DSCAM: variants seen among roughly 807,000 people sequenced by gnomAD.
DSCAM encodes DS cell adhesion molecule.
A neutral mutation model predicts 217.7 loss-of-function variants in DSCAM; 47 were observed. The observed-to-expected ratio is 0.22, with a 90% CI of 0.17 to 0.28. DSCAM has a LOEUF of 0.28. DSCAM is among the 10% of genes least tolerant of loss of function. DSCAM has a pLI of 1.00. For missense variants in DSCAM, 2,080 were observed against 2,618.3 expected, an observed-to-expected ratio of 0.79 and a Z score of 4.49; for synonymous variants, 1,056 against 1,015.3, an observed-to-expected ratio of 1.04 and a Z score of -0.76.
chr21:40,681,725 G>A (rs1223355871), intron 3 of DSCAM, among the ~76,000 whole-genome samples: 1 of 152,106 alleles, frequency 6.6e-6, no homozygotes, highest in Non-Finnish European at 1.5e-5. Context: ...GTTACCATGA[G>A]GTCATACTGA....
At chr21:40,099,432 C>T (rs1174173116) in intron 20 of DSCAM, among the ~76,000 whole-genome samples, 1 of 152,104 alleles carries the variant, frequency 6.6e-6, no homozygotes, top group Non-Finnish European at 1.5e-5. Flanking sequence ...TTAGTGGCTC[C>T]TATTGGTTAT....
At chr21:40,018,334 A>G (rs990490514) in intron 32 of DSCAM, among the ~76,000 whole-genome samples, 3 of 151,966 alleles carry the variant, frequency 2.0e-5, no homozygotes, top group Non-Finnish European at 4.4e-5. Flanking sequence ...TGTTAATTTT[A>G]TTATTTATTT....
At chr21:40,659,154 G>A (rs1000714170) in intron 3 of DSCAM, among the ~76,000 whole-genome samples, 3 of 152,108 alleles carry the variant, frequency 2.0e-5, no homozygotes, top group Non-Finnish European at 4.4e-5. Context: ...AAAAATAGTC[G>A]TGTTTCTAAC....
chr21:40,562,201 G>T (rs189519589), intron 3 of DSCAM, among the ~76,000 whole-genome samples: 1 of 152,302 alleles, frequency 6.6e-6, no homozygotes, highest in East Asian at 1.9e-4. Context: ...GGTGGGAGGT[G>T]ACTGGATCAA....
intron 32 of DSCAM, among the ~76,000 whole-genome samples, chr21:40,040,226 A>G (rs2088719811): frequency 6.6e-6 from 1 of 152,244 alleles, no homozygotes; most frequent in African/African-American, 2.4e-5. Context: ...ATTCAAACCT[A>G]TATTTATAAA....
intron 1 of DSCAM, among the ~76,000 whole-genome samples, chr21:40,845,661 A>G (rs182464585): frequency 6.8e-6 from 1 of 148,092 alleles, no homozygotes; most frequent in Admixed American, 6.8e-5. Flanking sequence ...TAATGGTTTA[A>G]TTTCAACTGT....
intron 32 of DSCAM, among the ~76,000 whole-genome samples, chr21:40,018,885 T>C (rs1435594097): frequency 6.6e-6 from 1 of 152,244 alleles, no homozygotes; most frequent in Non-Finnish European, 1.5e-5. Context: ...ATATCTCTGA[T>C]TGATCCAGTT....
rs368274027 is a variant in DSCAM at position 40,767,991 on chromosome 21, G to C, written c.44-59220C>G. Among the ~76,000 whole-genome samples the C allele has an allele frequency of 2.0e-5, 3 of 151,964 alleles. No individual in the cohort carries two copies. In the South Asian group the frequency reaches 6.2e-4, roughly 32 times the overall value. ...CTACATATGCAAATGTTCAGTGACA[G>C]GGACAAAAAGAAAAAAAATCAAGAA... On this transcript the variant is annotated intron_variant, in intron 1 of 32. Coordinates refer to ENST00000400454, the MANE Select transcript of DSCAM (RefSeq NM_001389.5).
At chr21:40,747,992 G>A (rs999243733) in intron 1 of DSCAM, among the ~76,000 whole-genome samples, 6 of 151,940 alleles carry the variant, frequency 3.9e-5, no homozygotes, top group Non-Finnish European at 8.8e-5. Context: ...TTCAATAGAT[G>A]CTGAAAAAAA....
chr21:40,720,220 A>C (rs1002936082), intron 1 of DSCAM, among the ~76,000 whole-genome samples: 6 of 152,236 alleles, frequency 3.9e-5, no homozygotes, highest in Non-Finnish European at 7.3e-5. Context: ...TATGCTTACT[A>C]AAATGAACTG....
At chr21:40,423,748 C>T (rs1048205978) in intron 3 of DSCAM, among the ~76,000 whole-genome samples, 1 of 152,136 alleles carries the variant, frequency 6.6e-6, no homozygotes, top group Non-Finnish European at 1.5e-5. Context: ...GGATTCGCTG[C>T]CGGTAACTCA....
chr21:40,559,331 G>A (rs1601743914), intron 3 of DSCAM, among the ~76,000 whole-genome samples: 2 of 152,026 alleles, frequency 1.3e-5, no homozygotes, highest in Admixed American at 6.6e-5. Flanking sequence ...GGTGGCGGGC[G>A]CCTGTAGTCC....
chr21:40,369,470 G>C lies in DSCAM; in HGVS notation c.509-225C>G, dbSNP rs994472603. ...AATTTTTTGACTAGCCTACATTAAGGGTTTTTAGTCCTTATGCTATACAAT... is the reference window on the plus strand; with the variant it reads ...AATTTTTTGACTAGCCTACATTAAGCGTTTTTAGTCCTTATGCTATACAAT... On this transcript the variant is annotated intron_variant, in intron 3 of 32. Transcript: ENST00000400454. Among the ~76,000 whole-genome samples, 6 of 150,114 alleles carry C rather than the reference G, an allele frequency of 4.0e-5. No individual in the cohort carries two copies. In the East Asian group the frequency reaches 8.0e-4, roughly 20 times the overall value.
At chr21:40,681,311 C>T (rs941831287) in intron 3 of DSCAM, among the ~76,000 whole-genome samples, 5 of 152,174 alleles carry the variant, frequency 3.3e-5, no homozygotes, top group Non-Finnish European at 7.3e-5. Flanking sequence ...GCCCCCAGCC[C>T]GTTCTGACAC....
intron 4 of DSCAM, among the ~76,000 whole-genome samples, chr21:40,356,139 T>A (rs1409744088): frequency 6.6e-6 from 1 of 152,192 alleles, no homozygotes; most frequent in Non-Finnish European, 1.5e-5. Context: ...CCTTTGGATA[T>A]ATACCCAGAG....
chr21:40,292,927 G>A (rs1410545344), intron 10 of DSCAM, among the ~76,000 whole-genome samples: 5 of 151,934 alleles, frequency 3.3e-5, no homozygotes, highest in Non-Finnish European at 5.9e-5. Context: ...TAGTAGAGAC[G>A]GGGTTTCACC....
intron 11 of DSCAM, among the ~76,000 whole-genome samples, chr21:40,230,072 T>A (rs2091368023): frequency 6.6e-6 from 1 of 152,268 alleles, no homozygotes; most frequent in South Asian, 2.1e-4. Context: ...TTAACTTGCA[T>A]ATTCCTAATG....
rs532645192 is a variant in DSCAM, at chr21:40,282,523, A to G, written c.2183-6253T>C. Among the ~76,000 whole-genome samples the G allele has an allele frequency of 5.5e-5, 8 of 144,752 alleles. No individual in the cohort carries two copies. In the East Asian group the frequency reaches 1.5e-3, roughly 27 times the overall value. 95.0% of individuals were successfully genotyped at this position (144,752 alleles called of 152,430 possible). ...GGAGAATGGCCTGAACCCGGGAGGC[A>G]GAGCTTGCAGTGAGCCAAGACAGCG... On this transcript the variant is annotated intron_variant, in intron 10 of 32. Transcript: ENST00000400454.
In DSCAM at chr21:40,359,552, A is replaced by G. The variant is rs573352949; in HGVS notation, c.656-5809T>C. Among the ~76,000 whole-genome samples the G allele has an allele frequency of 2.0e-5, 3 of 152,384 alleles. No individual in the cohort carries two copies. The South Asian group carries it at 6.2e-4, about 32-fold the overall frequency. ...GTCCATAGCAGGATTATTCATAATC[A>G]AAAAGTGGAAACAACCCAAATATTC... is the stretch of plus-strand genomic sequence containing the variant. On this transcript the variant is annotated intron_variant, in intron 4 of 32. Coordinates refer to ENST00000400454, the MANE Select transcript of DSCAM (RefSeq NM_001389.5).
Sources: gnomAD v4.1 joint callset for allele counts (sites outside exome capture counted in the v4.1 genomes callset) on GRCh38, gnomAD v4.1.1 for gene constraint, MANE v1.5 for transcripts, NCBI Gene and HGNC (gene_info 2026-07-23, HGNC 2026-07-21) for gene names.